The following TRIQK variants were observed in gnomAD, a reference collection of about 807,000 sequenced individuals.
The protein encoded by TRIQK is triple QxxK/R motif-containing protein.
Under a neutral mutation model 10.8 loss-of-function variants are expected in TRIQK, and 10 were observed. That is an observed-to-expected ratio of 0.92 (90% CI 0.57 to 1.57). TRIQK has a LOEUF of 1.57. Among genes scored for constraint, TRIQK ranks in the 40% most tolerant of loss-of-function variants. The pLI is 0.00. For synonymous variants in TRIQK, 33 were observed against 33.7 expected, an observed-to-expected ratio of 0.98 and a Z score of 0.07; for missense variants, 107 against 97.7, an observed-to-expected ratio of 1.09 and a Z score of -0.40.
intron 1 of TRIQK, among the ~76,000 whole-genome samples, chr8:92,959,336 A>G (rs1812330369): frequency 6.6e-6 from 1 of 152,032 alleles, no homozygotes; most frequent in African/African-American, 2.4e-5. Flanking sequence ...ACAAAATTTT[A>G]TTTAAATCTA....
chr8:92,945,790 CAG>C (rs1811500247), intron 2 of TRIQK, among the ~76,000 whole-genome samples: 1 of 152,014 alleles, frequency 6.6e-6, no homozygotes. Context: ...ATATAAAATA[CAG>C]TTAATTATCA....
At chr8:92,895,014 C>G (rs1239395464) in intron 3 of TRIQK, among the ~76,000 whole-genome samples, 1 of 152,270 alleles carries the variant, frequency 6.6e-6, no homozygotes, top group East Asian at 1.9e-4. Context: ...GAGGTGGGAT[C>G]TGTAAGAGGA....
chr8:92,899,218 G>A (rs942449414), intron 3 of TRIQK, among the ~76,000 whole-genome samples: 4 of 151,694 alleles, frequency 2.6e-5, no homozygotes, highest in Middle Eastern at 3.4e-3. Flanking sequence ...TCTTGACCTC[G>A]TGATCTGCCC....
chr8:92,975,802 A>G (rs912667920), intron 1 of TRIQK, among the ~76,000 whole-genome samples: 70 of 151,894 alleles, frequency 4.6e-4, no homozygotes, highest in African/African-American at 1.5e-3. Flanking sequence ...AATATAGGAG[A>G]TAAATAATAT....
chr8:92,954,298 C>T (rs1812061582), intron 2 of TRIQK, 108 bp downstream of exon 2: 3 of 151,900 alleles, frequency 2.0e-5, no homozygotes, highest in South Asian at 2.1e-4. Context: ...GCTTGGAACC[C>T]AGGTTCATTG....
chr8:92,983,920 A>G (rs536993340), intron 1 of TRIQK, among the ~76,000 whole-genome samples: 4 of 152,228 alleles, frequency 2.6e-5, no homozygotes, highest in East Asian at 3.9e-4. Context: ...TAATCAGTTC[A>G]GCTCAACAGG....
chr8:92,977,853 G>A (rs1334342324), intron 1 of TRIQK, among the ~76,000 whole-genome samples: 1 of 152,050 alleles, frequency 6.6e-6, no homozygotes, highest in Non-Finnish European at 1.5e-5. Context: ...TTTAAGTTTT[G>A]TTAGGCAGAA....
chr8:92,894,489 T>C (rs1808490449), intron 3 of TRIQK, among the ~76,000 whole-genome samples: 1 of 152,166 alleles, frequency 6.6e-6, no homozygotes, highest in Admixed American at 6.6e-5. Context: ...ATTTTATATG[T>C]AGACTGTTTC....
At chr8:92,896,665 G>A (rs919003887) in intron 3 of TRIQK, among the ~76,000 whole-genome samples, 14 of 152,104 alleles carry the variant, frequency 9.2e-5, no homozygotes, top group African/African-American at 3.1e-4. Context: ...GGAGTCAAAG[G>A]ATATTATGTC....
chr8:92,954,684 C>G (rs769896931), intron 1 of TRIQK, 120 bp from the exon 2 acceptor site: 4 of 151,918 alleles, frequency 2.6e-5, no homozygotes, highest in Non-Finnish European at 4.4e-5. Context: ...TTTGCTAACT[C>G]TGTTATTTAT....
At chr8:93,003,970 C>A (rs1342883177) in intron 1 of TRIQK, among the ~76,000 whole-genome samples, 1 of 152,174 alleles carries the variant, frequency 6.6e-6, no homozygotes. Context: ...AGGGTGCAGC[C>A]CCCACAGCTA....
intron 2 of TRIQK, among the ~76,000 whole-genome samples, chr8:92,929,264 T>C (rs567417845): frequency 6.6e-6 from 1 of 152,284 alleles, no homozygotes; most frequent in South Asian, 2.1e-4. Flanking sequence ...GTTAGACAGA[T>C]GGTAATGTCA....
intron 1 of TRIQK, chr8:92,964,742 G>T (rs376222527): frequency 6.6e-6 from 1 of 152,120 alleles, no homozygotes; most frequent in African/African-American, 2.4e-5. Context: ...CATTTGTGTG[G>T]ATCATTACTT....
chr8:92,987,132 A>G (rs926427597), intron 1 of TRIQK, among the ~76,000 whole-genome samples: 2 of 152,216 alleles, frequency 1.3e-5, no homozygotes, highest in African/African-American at 4.8e-5. Context: ...AATCTAATCA[A>G]GTCTGGAATA....
intron 1 of TRIQK, among the ~76,000 whole-genome samples, chr8:93,012,193 T>C (rs1360632110): frequency 6.6e-6 from 1 of 152,190 alleles, no homozygotes; most frequent in Non-Finnish European, 1.5e-5. Flanking sequence ...CTCCTGTAAG[T>C]CTTCAGGCAG....
chr8:92,915,016 A>T (rs765301021), intron 3 of TRIQK, among the ~76,000 whole-genome samples: 1 of 152,226 alleles, frequency 6.6e-6, no homozygotes, highest in Non-Finnish European at 1.5e-5. Flanking sequence ...ATATAAAAAT[A>T]TATTTCACCC....
intron 1 of TRIQK, among the ~76,000 whole-genome samples, chr8:93,013,397 A>C (rs143777012): frequency 6.6e-5 from 10 of 152,278 alleles, no homozygotes; most frequent in Non-Finnish European, 1.5e-4. Flanking sequence ...TGACCTATGG[A>C]AGTGACAGAT....
At chr8:92,959,836 T>C (rs1402325042) in intron 1 of TRIQK, among the ~76,000 whole-genome samples, 1 of 152,106 alleles carries the variant, frequency 6.6e-6, no homozygotes, top group African/African-American at 2.4e-5. Flanking sequence ...ACGGACTGTA[T>C]ACGTAAGAGT....
intron 1 of TRIQK, among the ~76,000 whole-genome samples, chr8:93,007,179 C>T (rs999068204): frequency 1.3e-5 from 2 of 152,174 alleles, no homozygotes; most frequent in African/African-American, 4.8e-5. Flanking sequence ...TCTGCAGCCT[C>T]CACTAGTGAC....
Sources: allele counts gnomAD v4.1 joint callset (sites outside exome capture counted in the v4.1 genomes callset), GRCh38; gene constraint gnomAD v4.1.1; transcripts MANE v1.5; gene names NCBI Gene and HGNC (gene_info 2026-07-23, HGNC 2026-07-21).